The following UTP20 variants were observed in gnomAD, a reference collection of about 807,000 sequenced individuals.
UTP20 encodes UTP20 small subunit processome component.
Under a neutral mutation model 329.5 loss-of-function variants are expected in UTP20, and 164 were observed. The ratio of observed to expected loss-of-function variants is 0.50; its 90% CI spans 0.44 to 0.57. The LOEUF (loss-of-function observed/expected upper bound fraction) is 0.57. UTP20 is among the 20% of genes least tolerant of loss of function. UTP20 has a pLI of 0.00. For missense variants in UTP20, 3,055 were observed against 3,284.2 expected, an observed-to-expected ratio of 0.93 and a Z score of 1.71; for synonymous variants, 1,151 against 1,159.3, an observed-to-expected ratio of 0.99 and a Z score of 0.14.
chr12:101,366,840 G>A (rs1455160426), intron 47 of UTP20, 141 bp downstream of exon 47: 2 of 952,514 alleles, frequency 2.1e-6, no homozygotes, highest in East Asian at 2.6e-5. Flanking sequence ...TTTTACAGGT[G>A]CATTGGTCCA....
At chr12:101,285,688 G>A (rs776221821) in intron 3 of UTP20, 52 bp downstream of exon 3, 2 of 1,613,358 alleles carry the variant, frequency 1.2e-6, no homozygotes, top group South Asian at 2.2e-5. Flanking sequence ...CACTTTATAT[G>A]TTCCATACAG....
At chr12:101,344,934 CTTTTTTTTTTTTT>C (rs11417670) in intron 36 of UTP20, among the ~76,000 whole-genome samples, 184 bp downstream of exon 36, 4 of 61,564 alleles carry the variant, frequency 6.5e-5, no homozygotes, top group Non-Finnish European at 1.3e-4. Context: ...CTTTTTTTTG[CTTTTTTTTTTTTT>C]TTTTTTTTTT....
At position 101,374,911 on chromosome 12, in the gene UTP20, A is replaced by G; in HGVS notation, c.7235A>G (p.Lys2412Arg). ...GGAACTGTCCTTCCTGTGATTGAAA[A>G]GGAAATTGATCCTGAAAACTTTAAA... ...RLGTVLPVIE[K>R]EIDPENFKDI... Residue 2412 changes from lysine (K) to arginine (R), a missense_variant, in exon 55 of 62, where the codon AAG (lysine) becomes AGG (arginine). Coordinates refer to ENST00000261637, the MANE Select transcript of UTP20 (RefSeq NM_014503.3). The G allele has an allele frequency of 3.1e-6, 5 of 1,612,048 alleles. No individual in the cohort carries two copies. Among genetic ancestry groups the G allele is most frequent in the Non-Finnish European group, 4.2e-6 (5 of 1,178,210 alleles).
rs929827988 is a variant in UTP20, at chr12:101,356,843, G to A, written c.5535-83G>A. Reference sequence around the variant, plus strand: ...ATTAACAGGAAAATTTGAGTTACGAGTAATTAAGAGACTAAAGGATATGTG... The same window carrying A: ...ATTAACAGGAAAATTTGAGTTACGAATAATTAAGAGACTAAAGGATATGTG... On this transcript the variant is annotated intron_variant, in intron 42 of 61. Transcript: ENST00000261637. 2.6e-5 allele frequency: 39 copies of A among 1,491,606 alleles called. No individual in the cohort carries two copies. In the African/African-American group the frequency reaches 4.2e-4, roughly 16 times the overall value. The allele number at this position is 1,491,606 out of a possible 1,614,324, so 92.4% of individuals were successfully genotyped here.
At position 101,285,602 on chromosome 12, in the gene UTP20, G is replaced by C; in HGVS notation, c.159G>C (p.Leu53=). 6.2e-7 allele frequency: 1 copy of C among 1,613,816 alleles called. No individual in the cohort carries two copies. Among genetic ancestry groups the C allele is most frequent in the South Asian group, 1.1e-5 (1 of 91,068 alleles). ...EVETYFFEGL[L]KWRELNLTEH... ...AAACCTACTTTTTTGAGGGTCTGCT[G>C]AAATGGAGAGAATTAAACCTCACAG... The change falls in exon 3 of 62, where the codon CTG becomes CTC. Residue 53 remains leucine, a synonymous_variant. Coordinates refer to ENST00000261637, the MANE Select transcript of UTP20 (RefSeq NM_014503.3).
At chr12:101,296,444 G>A (rs571215080) in intron 12 of UTP20, among the ~76,000 whole-genome samples, 17 of 152,242 alleles carry the variant, frequency 1.1e-4, no homozygotes, top group African/African-American at 2.9e-4. Flanking sequence ...GGTGGCGGAC[G>A]CCTGTAGTCC....
intron 48 of UTP20, among the ~76,000 whole-genome samples, 196 bp downstream of exon 48, chr12:101,368,172 A>G (rs1349890953): frequency 2.7e-5 from 4 of 148,710 alleles, no homozygotes; most frequent in African/African-American, 1.0e-4. Context: ...CCTAGGCTGG[A>G]GTGCAGTGGT....
intron 25 of UTP20, among the ~76,000 whole-genome samples, chr12:101,322,573 G>A (rs1177846829): frequency 6.6e-6 from 1 of 152,088 alleles, no homozygotes; most frequent in African/African-American, 2.4e-5. Context: ...AAAGATCATG[G>A]GATTGGGATT....
At chr12:101,379,299 C>T in intron 56 of UTP20, 72 bp from the exon 57 acceptor site, 2 of 1,368,374 alleles carry the variant, frequency 1.5e-6, no homozygotes, top group Non-Finnish European at 2.0e-6. Flanking sequence ...TCTGTAAATG[C>T]TTAACTTAGT....
At chr12:101,371,807 C>CA (rs1159343826) in intron 51 of UTP20, among the ~76,000 whole-genome samples, 1 of 152,128 alleles carries the variant, frequency 6.6e-6, no homozygotes, top group African/African-American at 2.4e-5. Flanking sequence ...GCTGGGATTA[C>CA]AGGCGTGAGC....
chr12:101,366,413 T>C, intron 46 of UTP20, 145 bp from the exon 47 acceptor site: 1 of 863,778 alleles, frequency 1.2e-6, no homozygotes, highest in Non-Finnish European at 1.8e-6. Context: ...TATCTCATGG[T>C]TTGGGGGTTT....
intron 37 of UTP20, 74 bp downstream of exon 37, chr12:101,345,768 A>G (rs753662202): frequency 3.0e-5 from 41 of 1,373,990 alleles, no homozygotes; most frequent in Non-Finnish European, 3.3e-5. Flanking sequence ...CTCATTTGGA[A>G]AGACATGTTT....
Position 101,385,637 on chromosome 12 carries a change from T to C in UTP20, c.8111T>C (p.Val2704Ala), listed in dbSNP as rs1870801291. ...QEIIELLKKL[V>A]GLESFSLAFA... ...ATCATAGAATTACTCAAAAAGCTGG[T>C]TGGGCTTGAGAGCTTCTCATTAGCC... is the stretch of plus-strand genomic sequence containing the variant. Residue 2704 changes from valine to alanine, a missense_variant, in exon 61 of 62, where the codon GTT becomes GCT. By Grantham distance (64) the Val-to-Ala change is moderately conservative. This residue lies in a region of UTP20 where 337 missense variants were observed against 345.5 expected (regional missense o/e 0.98). Coordinates refer to ENST00000261637, the MANE Select transcript of UTP20 (RefSeq NM_014503.3). The C allele has an allele frequency of 6.2e-7, 1 of 1,614,018 alleles. No homozygotes were observed.
In UTP20 at chr12:101,295,662, AG is replaced by A. The variant is rs1445821252; in HGVS notation, c.1430+5del. On this transcript the variant is annotated splice_donor_5th_base_variant and intron_variant, in intron 12 of 61. Coordinates refer to ENST00000261637, the MANE Select transcript of UTP20 (RefSeq NM_014503.3). The stretch of plus-strand genomic sequence containing the variant: ...TTTTCTCACCGCAGATGGTGGGGTG[AG>A]TTCTAACTTTTTATTCCTGTAATGA... 1 of 1,590,672 alleles carries A rather than the reference AG, an allele frequency of 6.3e-7. No homozygotes were observed. Among genetic ancestry groups the A allele is most frequent in the Non-Finnish European group, 8.6e-7 (1 of 1,165,800 alleles).
intron 2 of UTP20, 53 bp from the exon 3 acceptor site, chr12:101,285,517 G>T (rs1871931531): frequency 1.3e-6 from 2 of 1,542,234 alleles, no homozygotes; most frequent in South Asian, 1.1e-5. Flanking sequence ...TATTTACCTT[G>T]ATCATTGCTT....
At chr12:101,320,158 G>A (rs1248157620) in intron 23 of UTP20, among the ~76,000 whole-genome samples, 1 of 152,160 alleles carries the variant, frequency 6.6e-6, no homozygotes, top group Non-Finnish European at 1.5e-5. Flanking sequence ...TCATTTGGAT[G>A]TTTCTTCTGG....
Position 101,316,894 on chromosome 12 carries a change from A to G in UTP20, c.2553-584A>G, listed in dbSNP as rs138207470. Among the ~76,000 whole-genome samples the G allele has an allele frequency of 2.2e-3, 331 of 152,368 alleles. 2 individuals are homozygous for G. Among genetic ancestry groups the G allele is most frequent in the African/African-American group, 7.1e-3 (294 of 41,592 alleles). On this transcript the variant is annotated intron_variant, in intron 21 of 61. Coordinates refer to ENST00000261637, the MANE Select transcript of UTP20 (RefSeq NM_014503.3). ...AATACTGTATTAAGCTTAGCTGCAC[A>G]AGCTTAGTTTAGAGAGATAAAACAT...
Position 101,312,057 on chromosome 12 carries a change from T to C in UTP20, c.2333T>C (p.Met778Thr). The C allele has an allele frequency of 3.7e-6, 6 of 1,614,250 alleles. No individual in the cohort carries two copies. The highest frequency in any genetic ancestry group is 2.2e-5 in the South Asian group (2 of 91,084). ...GCAGAGAAGGAACTACAGAATGATA[T>C]GACAGATGAGAAGTCCGTTGGAGAT... ...THAEKELQND[M>T]TDEKSVGDES... Residue 778 changes from methionine to threonine, a missense_variant, in exon 21 of 62, where the codon ATG (methionine) becomes ACG (threonine). By Grantham distance (81) the Met-to-Thr change is moderately conservative (BLOSUM62 -1). Around this residue, in one of 3 missense-constraint regions of UTP20, gnomAD observed 2,445 missense variants for 2,575.5 expected, o/e 0.95. Transcript: ENST00000261637.
At position 101,363,663 on chromosome 12, in the gene UTP20, A is replaced by G. The variant is rs534493086; in HGVS notation, c.5878A>G (p.Lys1960Glu). The G allele has an allele frequency of 6.2e-7, 1 of 1,613,844 alleles. No homozygotes were observed. Among genetic ancestry groups the G allele is most frequent in the African/African-American group, 1.3e-5 (1 of 75,056 alleles). The change falls in exon 45 of 62, where the codon AAA (lysine) becomes GAA (glutamate). Residue 1960 changes from lysine (K) to glutamate (E), a missense_variant. Lys to Glu is a moderately conservative substitution (Grantham distance 56). This residue lies in a region of UTP20 where 2,445 missense variants were observed against 2,575.5 expected (regional missense o/e 0.95). Coordinates refer to ENST00000261637, the MANE Select transcript of UTP20 (RefSeq NM_014503.3). ...LSKVMEARRS[K>E]SYDSYEILGK... ...CAAAGTCATGGAAGCACGAAGAAGC[A>G]AAAGTTACGACTCTTATGAAATCCT...
Sources: gnomAD v4.1 joint callset for allele counts (sites outside exome capture counted in the v4.1 genomes callset) on GRCh38, gnomAD v4.1.1 for gene constraint, gnomAD v4.1.1 regional missense constraint, MANE v1.5 for transcripts, NCBI Gene and HGNC (gene_info 2026-07-23, HGNC 2026-07-21) for gene names.